The following CDK15 variants were observed in gnomAD, a reference collection of about 807,000 sequenced individuals.
The protein encoded by CDK15 is cyclin-dependent kinase 15.
Under a neutral mutation model 60.3 loss-of-function variants are expected in CDK15, and 62 were observed. The observed-to-expected ratio is 1.03, with a 90% CI of 0.84 to 1.27. CDK15 has a LOEUF of 1.27. Ranked by LOEUF, CDK15 falls within the 50% of genes most tolerant of loss-of-function variation. CDK15 has a pLI of 0.00. For missense variants in CDK15, 541 were observed against 527.8 expected (o/e 1.03, Z -0.25); for synonymous variants, 194 against 195.7 (o/e 0.99, Z 0.07).
intron 10 of CDK15, among the ~76,000 whole-genome samples, chr2:201,859,569 G>A (rs887651334): frequency 9.2e-5 from 14 of 152,248 alleles, no homozygotes; most frequent in African/African-American, 3.1e-4. Context: ...TTCATTCGAA[G>A]TAGTCATAAG....
intron 9 of CDK15, among the ~76,000 whole-genome samples, chr2:201,848,310 G>A (rs1367619596): frequency 6.6e-6 from 1 of 151,918 alleles, no homozygotes; most frequent in Non-Finnish European, 1.5e-5. Flanking sequence ...TTGTTTTTAT[G>A]GCCCTTATAT....
chr2:201,842,665 A>C (rs932208513), intron 8 of CDK15, among the ~76,000 whole-genome samples: 2 of 152,232 alleles, frequency 1.3e-5, no homozygotes, highest in African/African-American at 4.8e-5. Flanking sequence ...AATCTGAGGA[A>C]TCTTTCCCCC....
At position 201,882,119 on chromosome 2, in the gene CDK15, A is replaced by C. The variant is rs1003623843; in HGVS notation, c.1198+1952A>C. ...TTTTGATTTTTCCTGGCTGACCCAA[A>C]AGCAAAGCCACCAACAGAGGGGCCG... On this transcript the variant is annotated intron_variant, in intron 12 of 13. Transcript: ENST00000652192. The surrounding 1 kb of genome is among the most constrained non-coding windows in gnomAD (Gnocchi z 4.0). 6.6e-6 allele frequency among the ~76,000 whole-genome samples: 1 copy of C among 152,176 alleles called. No individual in the cohort carries two copies. Among genetic ancestry groups the C allele is most frequent in the African/African-American group, 2.4e-5 (1 of 41,442 alleles).
intron 12 of CDK15, among the ~76,000 whole-genome samples, chr2:201,890,181 G>A (rs554643031): frequency 5.3e-5 from 8 of 151,898 alleles, no homozygotes; most frequent in Non-Finnish European, 7.4e-5. Context: ...ACTAACGTCC[G>A]GACTCCTTGA....
intron 3 of CDK15, chr2:201,808,755 TC>T (rs1695625390): frequency 6.6e-6 from 1 of 152,210 alleles, no homozygotes; most frequent in Non-Finnish European, 1.5e-5. Flanking sequence ...CCTTCTCCAC[TC>T]CCACTGCTTC....
intron 11 of CDK15, among the ~76,000 whole-genome samples, chr2:201,874,972 G>A (rs1699019645): frequency 6.6e-6 from 1 of 151,424 alleles, no homozygotes; most frequent in Non-Finnish European, 1.5e-5. Flanking sequence ...GAGGTCAGTG[G>A]CAGTGCTGTG....
intron 8 of CDK15, among the ~76,000 whole-genome samples, chr2:201,846,154 T>C (rs1697653913): frequency 6.6e-6 from 1 of 152,016 alleles, no homozygotes; most frequent in African/African-American, 2.4e-5. Context: ...GTTGTGACTG[T>C]AGTTAGAATT....
At chr2:201,829,610 A>G (rs1353859954) in intron 6 of CDK15, among the ~76,000 whole-genome samples, 1 of 152,154 alleles carries the variant, frequency 6.6e-6, no homozygotes, top group African/African-American at 2.4e-5. Flanking sequence ...GTGGGCCTAA[A>G]GTAGAAAGGC....
intron 11 of CDK15, among the ~76,000 whole-genome samples, chr2:201,877,409 C>A (rs1699116769): frequency 6.6e-6 from 1 of 152,092 alleles, no homozygotes; most frequent in African/African-American, 2.4e-5. Context: ...TGCTCCCCAC[C>A]ACCTACCCGC....
At chr2:201,866,145 A>T (rs967517962) in intron 10 of CDK15, among the ~76,000 whole-genome samples, 1 of 152,058 alleles carries the variant, frequency 6.6e-6, no homozygotes, top group Admixed American at 6.6e-5. Context: ...TAAGGCTAAC[A>T]ACATTATCAA....
intron 10 of CDK15, among the ~76,000 whole-genome samples, chr2:201,868,220 A>G (rs925087334): frequency 4.6e-5 from 7 of 152,220 alleles, no homozygotes; most frequent in African/African-American, 1.7e-4. Flanking sequence ...AAGGGAGAGA[A>G]GCAGGAAAAA....
At position 201,806,770 on chromosome 2, in the gene CDK15, A is replaced by ACGGAGGCTG. The variant is rs766826894; in HGVS notation, c.109_117dup (p.Glu37_Ala39dup). On this transcript the variant is annotated inframe_insertion, in exon 1 of 14. Transcript: ENST00000652192. Reference sequence around the variant, plus strand: ...CTGTCGGAGGAGTCAGCCTGAGACCACGGAGGCTGCGTTCAAGGTATTTGT... The same window carrying ACGGAGGCTG: ...CTGTCGGAGGAGTCAGCCTGAGACCACGGAGGCTGCGGAGGCTGCGTTCAAGGTATTTGT... The ACGGAGGCTG allele has an allele frequency of 5.0e-6, 8 of 1,598,392 alleles. No individual in the cohort carries two copies. In the Admixed American group the frequency reaches 1.0e-4, roughly 20 times the overall value.
intron 10 of CDK15, chr2:201,861,546 GGTTTGT>G (rs1318454891): frequency 2.2e-5 from 20 of 928,070 alleles, no homozygotes; most frequent in Non-Finnish European, 2.5e-5. Context: ...TTTTTTTGTT[GGTTTGT>G]TTTTTTTTTT....
intron 4 of CDK15, among the ~76,000 whole-genome samples, chr2:201,816,787 G>A (rs992977007): frequency 2.6e-5 from 4 of 151,962 alleles, no homozygotes; most frequent in Admixed American, 1.3e-4. Context: ...CTGGGGGGAG[G>A]CAGCTTTCCA....
intron 8 of CDK15, among the ~76,000 whole-genome samples, chr2:201,835,988 A>T (rs1697008941): frequency 6.2e-5 from 2 of 32,208 alleles, no homozygotes; most frequent in Non-Finnish European, 1.7e-4. Flanking sequence ...ATATTTTTAT[A>T]TATTTATATA....
chr2:201,856,866 G>A (rs1428430648), intron 10 of CDK15, among the ~76,000 whole-genome samples: 1 of 152,134 alleles, frequency 6.6e-6, no homozygotes, highest in Non-Finnish European at 1.5e-5. Flanking sequence ...AAATGTCTTG[G>A]TGAGAGCAAT....
At chr2:201,864,670 G>A (rs182299855) in intron 10 of CDK15, among the ~76,000 whole-genome samples, 2 of 152,096 alleles carry the variant, frequency 1.3e-5, no homozygotes, top group African/African-American at 4.8e-5. Flanking sequence ...CAAAGTGCCG[G>A]GATTACAGGC....
intron 9 of CDK15, chr2:201,854,653 G>T: frequency 1.9e-6 from 1 of 537,328 alleles, no homozygotes; most frequent in East Asian, 2.9e-5. Flanking sequence ...TAAGAATGCA[G>T]GCCCCGGACC....
intron 10 of CDK15, among the ~76,000 whole-genome samples, chr2:201,864,664 GTGC>G (rs1298572485): frequency 9.8e-4 from 150 of 152,300 alleles, no homozygotes; most frequent in African/African-American, 3.4e-3. Context: ...GCCTCCCAAA[GTGC>G]CGGGATTACA....
Sources: allele counts gnomAD v4.1 joint callset (sites outside exome capture counted in the v4.1 genomes callset), GRCh38; gene constraint gnomAD v4.1.1; non-coding constraint Gnocchi (gnomAD v3.1); transcripts MANE v1.5; gene names NCBI Gene and HGNC (gene_info 2026-07-23, HGNC 2026-07-21).